The following FAM227B variants were observed in gnomAD, a reference collection of about 807,000 sequenced individuals.
FAM227B encodes the protein family with sequence similarity 227 member B.
FAM227B carries 88 observed loss-of-function variants against 73.8 expected under a neutral mutation model. That is an observed-to-expected ratio of 1.19 (90% CI 1.00 to 1.42). The LOEUF is 1.42. Among genes scored for constraint, FAM227B ranks in the 40% most tolerant of loss-of-function variants. The pLI, the probability that FAM227B is intolerant of heterozygous loss-of-function variation, is 0.00. For synonymous variants in FAM227B, 210 were observed against 190.5 expected (o/e 1.10, Z -0.84); for missense variants, 632 against 590.9 (o/e 1.07, Z -0.72).
rs190090991 is a variant in FAM227B, at chr15:49,386,272, A to T, written c.1013-14873T>A. ...GCCATAAAACAAATCTCAATAAATT[A>T]AAAAAAAAAATCAAAATTATATCAA... On this transcript the variant is annotated intron_variant, in intron 11 of 15. Transcript: ENST00000299338. 5.1e-3 allele frequency among the ~76,000 whole-genome samples: 748 copies of T among 147,046 alleles called. 8 individuals are homozygous for T. The highest frequency in any genetic ancestry group is 0.018 in the African/African-American group (719 of 40,260).
At chr15:49,587,291 G>A (rs2076225928) in intron 5 of FAM227B, among the ~76,000 whole-genome samples, 1 of 152,052 alleles carries the variant, frequency 6.6e-6, no homozygotes, top group Non-Finnish European at 1.5e-5. Flanking sequence ...GAGAACACAT[G>A]AACTCATAGA....
chr15:49,367,415 A>G, intron 13 of FAM227B, 33 bp downstream of exon 13: 2 of 1,495,808 alleles, frequency 1.3e-6, no homozygotes, highest in Non-Finnish European at 1.8e-6. Flanking sequence ...TTTTGAAAGA[A>G]ATTATATTAA....
chr15:49,437,901 C>G (rs137937747), intron 11 of FAM227B, among the ~76,000 whole-genome samples: 145 of 151,526 alleles, frequency 9.6e-4, no homozygotes, highest in African/African-American at 3.3e-3. Flanking sequence ...GCTAACAGAA[C>G]CTGGGAGAGA....
In FAM227B at chr15:49,328,333, C is replaced by T. The variant is rs554876731; in HGVS notation, c.*235G>A. On this transcript the variant is annotated 3_prime_UTR_variant, in exon 16 of 16. Transcript: ENST00000299338. The stretch of plus-strand genomic sequence containing the variant: ...AAGCTCTCTATGCTTCATAATGATT[C>T]TTTTTCCATCTTAAAATATGGTTTT... 7.0e-7 allele frequency: 1 copy of T among 1,429,164 alleles called. No individual in the cohort carries two copies. The highest frequency in any genetic ancestry group is 9.1e-7 in the Non-Finnish European group (1 of 1,095,682). 88.5% of individuals were successfully genotyped at this position (1,429,164 alleles called of 1,614,324 possible).
intron 3 of FAM227B, among the ~76,000 whole-genome samples, chr15:49,604,696 T>C (rs187978094): frequency 1.7e-3 from 254 of 152,204 alleles, no homozygotes; most frequent in African/African-American, 5.5e-3. Flanking sequence ...TATGTTTCAC[T>C]TGACAATGTC....
chr15:49,333,144 TA>T (rs201261909), intron 14 of FAM227B, among the ~76,000 whole-genome samples: 1 of 151,920 alleles, frequency 6.6e-6, no homozygotes, highest in Non-Finnish European at 1.5e-5. Flanking sequence ...CTCCCCTCTT[TA>T]AAAAAAATTA....
intron 11 of FAM227B, among the ~76,000 whole-genome samples, chr15:49,430,968 T>G (rs1450902480): frequency 6.7e-6 from 1 of 149,154 alleles, no homozygotes; most frequent in Admixed American, 6.7e-5. Context: ...TGCACAACAT[T>G]AGGGCAAAGC....
intron 11 of FAM227B, among the ~76,000 whole-genome samples, chr15:49,379,124 C>T (rs2151512091): frequency 6.6e-6 from 1 of 152,154 alleles, no homozygotes; most frequent in South Asian, 2.1e-4. Context: ...TTGAACCATC[C>T]CTGCATCCCT....
In FAM227B at chr15:49,358,979, C is replaced by G. The variant is rs1454408309; in HGVS notation, c.1271+8469G>C. Among the ~76,000 whole-genome samples the G allele has an allele frequency of 3.4e-4, 50 of 148,994 alleles. No homozygotes were observed. In the East Asian group the frequency reaches 6.1e-3, roughly 18 times the overall value. Reference sequence around the variant, plus strand: ...CTTTGACAAACCTGAGAAAAACAAGCAATGGGGAAAGGATTCCCTATTTAA... The same window carrying G: ...CTTTGACAAACCTGAGAAAAACAAGGAATGGGGAAAGGATTCCCTATTTAA... On this transcript the variant is annotated intron_variant, in intron 13 of 15. Transcript: ENST00000299338.
intron 10 of FAM227B, among the ~76,000 whole-genome samples, chr15:49,537,385 T>C (rs769382628): frequency 6.6e-6 from 1 of 152,028 alleles, no homozygotes; most frequent in Non-Finnish European, 1.5e-5. Flanking sequence ...TCACCTCACA[T>C]AGAATGGCTA....
At chr15:49,614,831 C>A in intron 2 of FAM227B, 1 of 327,492 alleles carries the variant, frequency 3.1e-6, no homozygotes, top group Non-Finnish European at 5.7e-6. Flanking sequence ...TGTTTTCCCA[C>A]ACATGGTTAC....
chr15:49,451,802 A>G (rs1380440170), intron 11 of FAM227B, among the ~76,000 whole-genome samples: 1 of 152,172 alleles, frequency 6.6e-6, no homozygotes, highest in Admixed American at 6.5e-5. Flanking sequence ...ATACTTATAT[A>G]GCAATCAAGA....
chr15:49,390,478 T>C (rs1767566444), intron 11 of FAM227B, among the ~76,000 whole-genome samples: 1 of 152,126 alleles, frequency 6.6e-6, no homozygotes, highest in African/African-American at 2.4e-5. Flanking sequence ...GTTTTGTTTT[T>C]GGATACTTCC....
intron 11 of FAM227B, among the ~76,000 whole-genome samples, chr15:49,406,177 TC>T (rs1169443743): frequency 1.3e-5 from 2 of 152,162 alleles, no homozygotes; most frequent in African/African-American, 4.8e-5. Flanking sequence ...GTGGTGTCGG[TC>T]AAAGCTTTTC....
chr15:49,529,292 TAA>T (rs1192166122), intron 10 of FAM227B, among the ~76,000 whole-genome samples: 1 of 150,612 alleles, frequency 6.6e-6, no homozygotes, highest in Non-Finnish European at 1.5e-5. Context: ...ATATAAAGAT[TAA>T]AAAAAAGACA....
At chr15:49,535,609 T>A (rs906959248) in intron 10 of FAM227B, among the ~76,000 whole-genome samples, 1 of 151,712 alleles carries the variant, frequency 6.6e-6, no homozygotes, top group Admixed American at 6.6e-5. Context: ...GACAGAGATA[T>A]TACAAGAAAA....
chr15:49,498,770 G>C (rs1286758763), intron 11 of FAM227B, among the ~76,000 whole-genome samples: 1 of 152,192 alleles, frequency 6.6e-6, no homozygotes, highest in Non-Finnish European at 1.5e-5. Context: ...TAAAGGGATG[G>C]AAAAGGATCT....
chr15:49,472,047 A>C (rs2054831383), intron 11 of FAM227B, among the ~76,000 whole-genome samples: 1 of 151,836 alleles, frequency 6.6e-6, no homozygotes, highest in Admixed American at 6.6e-5. Flanking sequence ...TGTGAAAGTA[A>C]ACACCTGGCC....
intron 11 of FAM227B, among the ~76,000 whole-genome samples, chr15:49,476,533 T>G (rs377223382): frequency 2.6e-5 from 4 of 152,174 alleles, no homozygotes; most frequent in South Asian, 4.1e-4. Context: ...CTGTCCATAT[T>G]TCACAAAAAG....
Sources: allele counts gnomAD v4.1 joint callset (sites outside exome capture counted in the v4.1 genomes callset), GRCh38; gene constraint gnomAD v4.1.1; transcripts MANE v1.5; gene names NCBI Gene and HGNC (gene_info 2026-07-23, HGNC 2026-07-21).